D2HGDH: variants seen among roughly 807,000 people sequenced by gnomAD.
D2HGDH encodes D-2-hydroxyglutarate dehydrogenase.
Under a neutral mutation model 46.9 loss-of-function variants are expected in D2HGDH, and 31 were observed. The observed-to-expected ratio is 0.66, with a 90% CI of 0.50 to 0.89. The LOEUF (loss-of-function observed/expected upper bound fraction) is 0.89. D2HGDH is among the 40% of genes least tolerant of loss of function. The pLI is 0.00. For missense variants in D2HGDH, 698 were observed against 720.8 expected (o/e 0.97, Z 0.36); for synonymous variants, 364 against 332.6 (o/e 1.09, Z -1.03).
intron 6 of D2HGDH, among the ~76,000 whole-genome samples, chr2:241,746,076 T>C (rs961822262): frequency 1.1e-4 from 16 of 152,230 alleles, no homozygotes; most frequent in African/African-American, 3.9e-4. Flanking sequence ...TTCTTAAACC[T>C]GTGGCTTGGT....
intron 9 of D2HGDH, among the ~76,000 whole-genome samples, chr2:241,756,557 T>C (rs1698202480): frequency 6.6e-6 from 1 of 152,222 alleles, no homozygotes; most frequent in African/African-American, 2.4e-5. Flanking sequence ...GTTTCACTCT[T>C]GTCACCCAGG....
intron 6 of D2HGDH, among the ~76,000 whole-genome samples, chr2:241,748,375 C>T (rs1696424808): frequency 6.6e-6 from 1 of 152,200 alleles, no homozygotes; most frequent in South Asian, 2.1e-4. Context: ...CCCGCCTCGG[C>T]CTCCCAAAGT....
Position 241,750,104 on chromosome 2 carries a change from C to G in D2HGDH, c.854-47C>G, listed in dbSNP as rs773997064. The G allele has an allele frequency of 1.1e-5, 18 of 1,612,990 alleles. No homozygotes were observed. In the African/African-American group the frequency reaches 2.3e-4, roughly 20 times the overall value. On this transcript the variant is annotated intron_variant, in intron 6 of 9. Coordinates refer to ENST00000321264, the MANE Select transcript of D2HGDH (RefSeq NM_152783.5). ...TGCTTTGAAGGGGGACTTGGGTGGG[C>G]TGGGTTTAGCTCCGTGTGGTGCTTG...
intron 9 of D2HGDH, among the ~76,000 whole-genome samples, chr2:241,759,742 A>G (rs1698564891): frequency 6.6e-6 from 1 of 150,980 alleles, no homozygotes; most frequent in Non-Finnish European, 1.5e-5. Flanking sequence ...GTTCTTTGTC[A>G]TTTAGCTTTT....
rs371493676 is a variant in D2HGDH at position 241,750,311 on chromosome 2, CAG to C, written c.997+18_997+19del. ...CGGTGCAAGGTACTGACCCCCCACA[CAG>C]GGGGCAGCTGGTCCTGCAGCTCCTT... is the stretch of plus-strand genomic sequence containing the variant. On this transcript the variant is annotated intron_variant, in intron 7 of 9. Coordinates refer to ENST00000321264, the MANE Select transcript of D2HGDH (RefSeq NM_152783.5). 6.3e-4 allele frequency: 924 copies of C among 1,473,632 alleles called. No homozygotes were observed. The highest frequency in any genetic ancestry group is 1.9e-3 in the East Asian group (63 of 32,656). The allele number at this position is 1,473,632 out of a possible 1,614,324, so 91.3% of individuals were successfully genotyped here.
At chr2:241,757,254 A>G (rs765608025) in intron 9 of D2HGDH, among the ~76,000 whole-genome samples, 14 of 152,202 alleles carry the variant, frequency 9.2e-5, no homozygotes, top group Non-Finnish European at 1.9e-4. Context: ...GTGGAGGGGT[A>G]CATCTGGAGG....
chr2:241,754,039 G>A (rs1056816622), intron 8 of D2HGDH, among the ~76,000 whole-genome samples: 2 of 152,238 alleles, frequency 1.3e-5, no homozygotes, highest in African/African-American at 4.8e-5. Context: ...TGGTGCAGGA[G>A]CACCAAGACC....
At chr2:241,761,183 C>T (rs1022493102) in intron 9 of D2HGDH, among the ~76,000 whole-genome samples, 1 of 152,184 alleles carries the variant, frequency 6.6e-6, no homozygotes, top group Non-Finnish European at 1.5e-5. Context: ...TGTAGTATAA[C>T]AGTGACAGAC....
At chr2:241,756,591 G>A (rs575910780) in intron 9 of D2HGDH, among the ~76,000 whole-genome samples, 24 of 152,238 alleles carry the variant, frequency 1.6e-4, no homozygotes, top group Non-Finnish European at 2.2e-4. Context: ...GCGCAATCTC[G>A]GCTCACTGCA....
At chr2:241,735,078 T>C in intron 1 of D2HGDH, 55 bp from the exon 2 acceptor site, 1 of 871,614 alleles carries the variant, frequency 1.1e-6, no homozygotes, top group Non-Finnish European at 1.6e-6. Flanking sequence ...TCTGCAAGCG[T>C]GTTTCAATTT....
intron 9 of D2HGDH, among the ~76,000 whole-genome samples, chr2:241,765,121 C>T (rs1192875069): frequency 2.0e-5 from 3 of 152,228 alleles, no homozygotes; most frequent in Non-Finnish European, 4.4e-5. Flanking sequence ...CCAGATAGAG[C>T]TGCCCTGGGC....
At position 241,764,007 on chromosome 2, in the gene D2HGDH, C is replaced by T. The variant is rs566790157; in HGVS notation, c.1307-3703C>T. Among the ~76,000 whole-genome samples, 4 of 152,384 alleles carry T rather than the reference C, an allele frequency of 2.6e-5. No individual in the cohort carries two copies. In the South Asian group the frequency reaches 8.3e-4, roughly 32 times the overall value. On this transcript the variant is annotated intron_variant, in intron 9 of 9. Transcript: ENST00000321264. Reference sequence around the variant, plus strand: ...TGAAGTGTGAGCCACGATCACTCTACTGCCCTCCGGCCTGGGTGACAGAGG... The same window carrying T: ...TGAAGTGTGAGCCACGATCACTCTATTGCCCTCCGGCCTGGGTGACAGAGG...
chr2:241,750,313 G>A lies in D2HGDH; in HGVS notation c.997+19G>A, dbSNP rs1575279850. On this transcript the variant is annotated intron_variant, in intron 7 of 9. Transcript: ENST00000321264. ...GTGCAAGGTACTGACCCCCCACACA[G>A]GGGGCAGCTGGTCCTGCAGCTCCTT... 1 of 1,608,098 alleles carries A rather than the reference G, an allele frequency of 6.2e-7. No homozygotes were observed. Among genetic ancestry groups the A allele is most frequent in the Non-Finnish European group, 8.5e-7 (1 of 1,178,666 alleles).
At chr2:241,737,203 A>G (rs879419506) in intron 2 of D2HGDH, among the ~76,000 whole-genome samples, 1 of 151,694 alleles carries the variant, frequency 6.6e-6, no homozygotes, top group Non-Finnish European at 1.5e-5. Context: ...ATCTCCTGAC[A>G]TCGTGATCCG....
At chr2:241,741,204 G>C in intron 3 of D2HGDH, 114 bp downstream of exon 3, 2 of 933,684 alleles carry the variant, frequency 2.1e-6, no homozygotes, top group Non-Finnish European at 1.7e-6. Flanking sequence ...ATGACATCTT[G>C]GTTTGTGTGT....
chr2:241,754,757 C>A, intron 8 of D2HGDH: 1 of 255,068 alleles, frequency 3.9e-6, no homozygotes, highest in Non-Finnish European at 7.8e-6. Context: ...GTGCCCACCA[C>A]CAAACCCAGC....
chr2:241,740,955 G>A (rs1029911016), intron 2 of D2HGDH, 78 bp from the exon 3 acceptor site: 32 of 1,225,190 alleles, frequency 2.6e-5, no homozygotes, highest in Middle Eastern at 1.9e-4. Flanking sequence ...AAAAAAACTC[G>A]CTCTCTGGGG....
At chr2:241,748,830 T>G (rs1217781437) in intron 6 of D2HGDH, 1 of 1,209,070 alleles carries the variant, frequency 8.3e-7, no homozygotes, top group East Asian at 7.7e-5. Flanking sequence ...CATCCAGGTT[T>G]TCTGTGTTCT....
At chr2:241,747,599 C>T (rs529665214) in intron 6 of D2HGDH, among the ~76,000 whole-genome samples, 16 of 148,378 alleles carry the variant, frequency 1.1e-4, no homozygotes, top group East Asian at 3.9e-4. Context: ...GACAAGGTCT[C>T]ACTCTGTCAT....
Sources: gnomAD v4.1 joint callset for allele counts (sites outside exome capture counted in the v4.1 genomes callset) on GRCh38, gnomAD v4.1.1 for gene constraint, MANE v1.5 for transcripts, NCBI Gene and HGNC (gene_info 2026-07-23, HGNC 2026-07-21) for gene names.